ZDHHC17: variants seen among roughly 807,000 people sequenced by gnomAD.
ZDHHC17 encodes palmitoyltransferase ZDHHC17.
ZDHHC17 carries 40 observed loss-of-function variants against 90.3 expected under a neutral mutation model. That is an observed-to-expected ratio of 0.44 (90% confidence interval 0.34 to 0.58). ZDHHC17 has a LOEUF of 0.58. Among genes scored for constraint, ZDHHC17 ranks in the 20% least tolerant of loss-of-function variants. ZDHHC17 has a pLI of 0.01. For missense variants in ZDHHC17, 614 were observed against 780.8 expected, an observed-to-expected ratio of 0.79 and a Z score of 2.55; for synonymous variants, 235 against 252.4, an observed-to-expected ratio of 0.93 and a Z score of 0.65.
intron 3 of ZDHHC17, among the ~76,000 whole-genome samples, chr12:76,805,665 A>C (rs1210490504): frequency 6.6e-6 from 1 of 152,122 alleles, no homozygotes; most frequent in Non-Finnish European, 1.5e-5. Flanking sequence ...TGTTTTCTTT[A>C]CTTCTTAATT....
chr12:76,803,709 C>T (rs1411060796), intron 2 of ZDHHC17, among the ~76,000 whole-genome samples: 5 of 152,100 alleles, frequency 3.3e-5, no homozygotes, highest in Admixed American at 2.6e-4. Context: ...CTTTTAATCC[C>T]GTTATATATA....
At chr12:76,827,720 G>C (rs974228588) in intron 9 of ZDHHC17, among the ~76,000 whole-genome samples, 1 of 152,018 alleles carries the variant, frequency 6.6e-6, no homozygotes, top group African/African-American at 2.4e-5. Flanking sequence ...AGAATGACTA[G>C]TATTATAATA....
intron 1 of ZDHHC17, chr12:76,764,660 G>A: frequency 3.9e-6 from 2 of 513,474 alleles, no homozygotes; most frequent in Non-Finnish European, 7.4e-6. Flanking sequence ...CCGCAGCTTA[G>A]ACCCTAGTCT....
At chr12:76,809,959 A>G (rs781268228) in intron 5 of ZDHHC17, 102 bp downstream of exon 5, 1 of 1,232,138 alleles carries the variant, frequency 8.1e-7, no homozygotes, top group Non-Finnish European at 1.1e-6. Flanking sequence ...TTTAAATAGC[A>G]CTTTCTGATG....
intron 8 of ZDHHC17, among the ~76,000 whole-genome samples, chr12:76,826,475 A>G (rs1272165832): frequency 6.6e-6 from 1 of 152,126 alleles, no homozygotes; most frequent in South Asian, 2.1e-4. Context: ...TTATCATTTG[A>G]AATGTCTACT....
intron 5 of ZDHHC17, among the ~76,000 whole-genome samples, chr12:76,814,713 T>C (rs1024867081): frequency 1.3e-5 from 2 of 151,948 alleles, no homozygotes; most frequent in Non-Finnish European, 2.9e-5. Flanking sequence ...AAAATGTACA[T>C]GTGTAACAGT....
chr12:76,790,999 G>A (rs926394645), intron 1 of ZDHHC17, among the ~76,000 whole-genome samples: 1 of 152,114 alleles, frequency 6.6e-6, no homozygotes, highest in African/African-American at 2.4e-5. Context: ...AATGTTTGAG[G>A]TGATAGATAT....
At position 76,838,550 on chromosome 12, in the gene ZDHHC17, A is replaced by G. The variant is rs764452885; in HGVS notation, c.1142-3432A>G. The stretch of plus-strand genomic sequence containing the variant: ...TGTAGCCTAAGAAAAAGAGAGCTCA[A>G]TTGTAAATTCTTGCTGAGAAACTTG... On this transcript the variant is annotated intron_variant, in intron 10 of 16. Transcript: ENST00000426126. Among the ~76,000 whole-genome samples, 52 of 152,196 alleles carry G rather than the reference A, an allele frequency of 3.4e-4. 1 individual carries two copies. Among genetic ancestry groups the G allele is most frequent in the Non-Finnish European group, 6.3e-4 (43 of 68,036 alleles).
intron 2 of ZDHHC17, among the ~76,000 whole-genome samples, chr12:76,798,346 G>A (rs1952848099): frequency 6.6e-6 from 1 of 152,156 alleles, no homozygotes; most frequent in South Asian, 2.1e-4. Context: ...GTATATGGAA[G>A]TTGAAATAAC....
At chr12:76,832,921 C>T (rs1197125903) in intron 10 of ZDHHC17, among the ~76,000 whole-genome samples, 1 of 152,148 alleles carries the variant, frequency 6.6e-6, no homozygotes, top group East Asian at 1.9e-4. Flanking sequence ...TTTGTTCATG[C>T]CCGTTGAATT....
At chr12:76,848,926 A>G (rs188143128) in intron 15 of ZDHHC17, among the ~76,000 whole-genome samples, 190 of 151,970 alleles carry the variant, frequency 1.3e-3, no homozygotes, top group Non-Finnish European at 2.0e-3. Context: ...AACAGACTTC[A>G]TTGTTTTTAT....
chr12:76,786,749 A>G (rs974196699), intron 1 of ZDHHC17, among the ~76,000 whole-genome samples: 1 of 151,278 alleles, frequency 6.6e-6, no homozygotes, highest in African/African-American at 2.4e-5. Context: ...TAGCACAGGA[A>G]AGGTGGAAGT....
At position 76,852,629 on chromosome 12, in the gene ZDHHC17, G is replaced by A. The variant is rs1365474188; in HGVS notation, c.*1644G>A. On this transcript the variant is annotated 3_prime_UTR_variant, in exon 17 of 17. Transcript: ENST00000426126. ...GTATACCCGCCCCTTGCCTTAGTAA[G>A]AGGAGCAGTGAAATGTATATAGTTG... 2.0e-5 allele frequency: 3 copies of A among 152,528 alleles called. No homozygotes were observed. Among genetic ancestry groups the A allele is most frequent in the African/African-American group, 7.2e-5 (3 of 41,438 alleles). The allele number at this position is 152,528 out of a possible 1,614,324, so 9.4% of individuals were successfully genotyped here. A position where few individuals can be genotyped will look rare whatever the true frequency, so the allele number is the denominator to read the frequency against.
Position 76,826,997 on chromosome 12 carries a change from C to T in ZDHHC17, c.987C>T (p.Leu329=). ...CAGACCTAAATATTGATTCTTGGCT[C>T]ATTAAAGGGCTAATGTATGGTGGTG... ...FIADLNIDSW[L]IKGLMYGGVW... The change falls in exon 9 of 17, where the codon CTC becomes CTT. Residue 329 remains leucine, a synonymous_variant. Transcript: ENST00000426126. The T allele has an allele frequency of 6.4e-7, 1 of 1,562,822 alleles. No individual in the cohort carries two copies. Among genetic ancestry groups the T allele is most frequent in the Middle Eastern group, 1.7e-4 (1 of 5,956 alleles).
At chr12:76,779,650 T>C (rs1007679352) in intron 1 of ZDHHC17, among the ~76,000 whole-genome samples, 7 of 152,166 alleles carry the variant, frequency 4.6e-5, no homozygotes, top group Non-Finnish European at 1.0e-4. Context: ...ATAACAGTCT[T>C]TCCCAGAGCA....
intron 3 of ZDHHC17, among the ~76,000 whole-genome samples, chr12:76,805,865 G>T (rs1413699535): frequency 2.0e-5 from 3 of 152,104 alleles, no homozygotes; most frequent in Non-Finnish European, 2.9e-5. Flanking sequence ...AACAGCAAAA[G>T]GAAAGTTGAA....
intron 8 of ZDHHC17, among the ~76,000 whole-genome samples, chr12:76,825,460 G>A (rs759329586): frequency 1.3e-5 from 2 of 152,014 alleles, no homozygotes; most frequent in Admixed American, 6.6e-5. Flanking sequence ...ACCATTTTAT[G>A]TACCCATACA....
rs933406148 is a variant in ZDHHC17 at position 76,851,425 on chromosome 12, T to A, written c.*440T>A. 1 of 170,820 alleles carries A rather than the reference T, an allele frequency of 5.9e-6. No homozygotes were observed. Among genetic ancestry groups the A allele is most frequent in the Non-Finnish European group, 1.2e-5 (1 of 80,950 alleles). The allele number at this position is 170,820 out of a possible 1,614,324, so 10.6% of individuals were successfully genotyped here. A position where few individuals can be genotyped will look rare whatever the true frequency, so the allele number is the denominator to read the frequency against. On this transcript the variant is annotated 3_prime_UTR_variant, in exon 17 of 17. Transcript: ENST00000426126. ...GCATCTAATTCCAGGAGCATTGTTT[T>A]AAGTTGATTGACTAGTTATTATGTA...
At chr12:76,848,054 G>A (rs938610964) in intron 14 of ZDHHC17, among the ~76,000 whole-genome samples, 179 bp from the exon 15 acceptor site, 12 of 151,958 alleles carry the variant, frequency 7.9e-5, no homozygotes, top group Admixed American at 6.6e-4. Flanking sequence ...TTCCATTTCT[G>A]TGTTTTTTCA....
Sources: gnomAD v4.1 joint callset for allele counts (sites outside exome capture counted in the v4.1 genomes callset) on GRCh38, gnomAD v4.1.1 for gene constraint, MANE v1.5 for transcripts, NCBI Gene and HGNC (gene_info 2026-07-23, HGNC 2026-07-21) for gene names.